CSMD1: variants seen among roughly 807,000 people sequenced by gnomAD.
The protein encoded by CSMD1 is CUB and Sushi multiple domains 1, also known as CUB and sushi domain-containing protein 1.
CSMD1 carries 213 observed loss-of-function variants against 417.5 expected under a neutral mutation model. That is an observed-to-expected ratio of 0.51 (90% CI 0.46 to 0.57). The LOEUF is 0.57. CSMD1 is among the 20% of genes least tolerant of loss of function. The pLI, the probability that CSMD1 is intolerant of heterozygous loss-of-function variation, is 0.00. For missense variants in CSMD1, 6,923 were observed against 4,529.7 expected (o/e 1.53, Z -15.17); for synonymous variants, 2,862 against 1,736.8 (o/e 1.65, Z -16.11).
At chr8:3,662,695 T>A (rs1283992754) in intron 7 of CSMD1, among the ~76,000 whole-genome samples, 1 of 152,072 alleles carries the variant, frequency 6.6e-6, no homozygotes, top group Non-Finnish European at 1.5e-5. Flanking sequence ...TGCAGGGACA[T>A]GGATGAAGCT....
chr8:3,252,610 T>C (rs1450445005), intron 26 of CSMD1, among the ~76,000 whole-genome samples: 2 of 152,204 alleles, frequency 1.3e-5, no homozygotes, highest in Admixed American at 6.5e-5. Context: ...TCTTTTTCTA[T>C]TGATTGAATA....
chr8:3,980,966 C>T (rs1172548079), intron 5 of CSMD1, among the ~76,000 whole-genome samples: 2 of 152,144 alleles, frequency 1.3e-5, no homozygotes, highest in Non-Finnish European at 2.9e-5. Flanking sequence ...AGTAGGGGCC[C>T]TGCTCACCTT....
At chr8:4,317,637 A>G (rs1799012604) in intron 3 of CSMD1, among the ~76,000 whole-genome samples, 1 of 151,368 alleles carries the variant, frequency 6.6e-6, no homozygotes, top group South Asian at 2.1e-4. Context: ...GAGAGAGACA[A>G]TTTTATTTAC....
At chr8:4,741,318 G>A (rs1474498335) in intron 1 of CSMD1, among the ~76,000 whole-genome samples, 1 of 152,038 alleles carries the variant, frequency 6.6e-6, no homozygotes. Context: ...TTAAAAACAG[G>A]GAATTTTTCT....
At chr8:3,585,591 G>A (rs574217941) in intron 9 of CSMD1, among the ~76,000 whole-genome samples, 1 of 152,184 alleles carries the variant, frequency 6.6e-6, no homozygotes, top group East Asian at 1.9e-4. Flanking sequence ...AACCTTTGCT[G>A]ACTTCGTATG....
rs141875363 is a variant in CSMD1 at position 3,873,491 on chromosome 8, G to A, written c.819-119449C>T. 1.2e-3 allele frequency among the ~76,000 whole-genome samples: 184 copies of A among 152,144 alleles called. 1 individual carries two copies. The highest frequency in any genetic ancestry group is 4.3e-3 in the African/African-American group (178 of 41,524). ...TACCACACGTTCTACCTTCTAAGTG[G>A]AAGGTGAATAATAAGAACACAGGGA... is the stretch of plus-strand genomic sequence containing the variant. On this transcript the variant is annotated intron_variant, in intron 5 of 69. Coordinates refer to ENST00000635120, the MANE Select transcript of CSMD1 (RefSeq NM_033225.6).
intron 7 of CSMD1, among the ~76,000 whole-genome samples, chr8:3,659,663 T>C (rs1798311121): frequency 6.6e-6 from 1 of 152,054 alleles, no homozygotes; most frequent in African/African-American, 2.4e-5. Flanking sequence ...AACAAGAAAA[T>C]ACTGCTGTTT....
At chr8:3,693,745 T>C (rs146461066) in intron 7 of CSMD1, among the ~76,000 whole-genome samples, 13 of 152,122 alleles carry the variant, frequency 8.5e-5, no homozygotes, top group Admixed American at 1.3e-4. Context: ...TGTTATGGTG[T>C]GTGTGTTGTA....
intron 5 of CSMD1, among the ~76,000 whole-genome samples, chr8:3,844,562 G>A (rs1006354645): frequency 2.6e-5 from 4 of 152,114 alleles, no homozygotes; most frequent in African/African-American, 9.7e-5. Context: ...GGATTTTTAG[G>A]AAAGTAATAA....
At chr8:3,261,363 G>A (rs868769099) in intron 26 of CSMD1, among the ~76,000 whole-genome samples, 1 of 152,280 alleles carries the variant, frequency 6.6e-6, no homozygotes, top group East Asian at 1.9e-4. Context: ...TTATCTCAGA[G>A]AAATAGAAAC....
chr8:4,012,947 G>T (rs967222226), intron 4 of CSMD1, among the ~76,000 whole-genome samples: 3 of 152,122 alleles, frequency 2.0e-5, no homozygotes, highest in Middle Eastern at 6.8e-3. Context: ...GTCCAAATGT[G>T]TCTGGCCATC....
chr8:3,411,657 T>C (rs1415429709), intron 12 of CSMD1, among the ~76,000 whole-genome samples: 1 of 130,042 alleles, frequency 7.7e-6, no homozygotes, highest in East Asian at 2.4e-4. Context: ...TAGTCCATCA[T>C]ATATATATAT....
intron 23 of CSMD1, among the ~76,000 whole-genome samples, chr8:3,314,182 A>T (rs938677521): frequency 3.3e-5 from 5 of 152,208 alleles, no homozygotes; most frequent in Non-Finnish European, 7.3e-5. Context: ...ATGACTAGTT[A>T]ATGGGTGCAG....
At chr8:3,361,103 CTT>C (rs1809134707) in intron 20 of CSMD1, among the ~76,000 whole-genome samples, 2 of 152,210 alleles carry the variant, frequency 1.3e-5, no homozygotes, top group South Asian at 4.2e-4. Flanking sequence ...ATTAATTTGA[CTT>C]ATGCATAGTA....
chr8:4,445,089 C>G (rs1017173680), intron 2 of CSMD1, among the ~76,000 whole-genome samples: 2 of 152,164 alleles, frequency 1.3e-5, no homozygotes, highest in African/African-American at 4.8e-5. Flanking sequence ...TAACATGTTA[C>G]TTCTCTGAAC....
At chr8:3,196,413 T>G (rs534408366) in intron 33 of CSMD1, among the ~76,000 whole-genome samples, 51 of 152,304 alleles carry the variant, frequency 3.3e-4, no homozygotes, top group African/African-American at 1.2e-3. Flanking sequence ...ATTCCTTAAC[T>G]TTCCTAATAA....
intron 26 of CSMD1, among the ~76,000 whole-genome samples, chr8:3,237,238 C>A (rs903718131): frequency 1.5e-5 from 2 of 133,030 alleles, no homozygotes; most frequent in South Asian, 2.3e-4. Context: ...GAGGCCGAGG[C>A]GAGTGGATCA....
intron 5 of CSMD1, among the ~76,000 whole-genome samples, chr8:3,857,203 C>T (rs1048516677): frequency 6.6e-6 from 1 of 152,030 alleles, no homozygotes; most frequent in East Asian, 1.9e-4. Flanking sequence ...CAAAGTTGTA[C>T]AGGAGGGAGT....
intron 3 of CSMD1, among the ~76,000 whole-genome samples, chr8:4,363,394 A>AT (rs537988503): frequency 5.1e-4 from 78 of 152,214 alleles, no homozygotes; most frequent in African/African-American, 1.9e-3. Flanking sequence ...CGTAAGAGGG[A>AT]TAAAAAAATG....
Sources: gnomAD v4.1 joint callset for allele counts (sites outside exome capture counted in the v4.1 genomes callset) on GRCh38, gnomAD v4.1.1 for gene constraint, MANE v1.5 for transcripts, NCBI Gene and HGNC (gene_info 2026-07-23, HGNC 2026-07-21) for gene names.